The following SUSD5 variants were observed in gnomAD, a reference collection of about 807,000 sequenced individuals.
SUSD5 encodes the protein sushi domain containing 5.
Under a neutral mutation model 29.5 loss-of-function variants are expected in SUSD5, and 33 were observed. That is an observed-to-expected ratio of 1.12 (90% CI 0.85 to 1.49). SUSD5 has a LOEUF of 1.49. Ranked by LOEUF, SUSD5 falls within the 40% of genes most tolerant of loss-of-function variation. The pLI is 0.00. For missense variants in SUSD5, 776 were observed against 800.6 expected (o/e 0.97, Z 0.37); for synonymous variants, 308 against 325.3 (o/e 0.95, Z 0.57).
chr3:33,213,841 T>C, intron 2 of SUSD5, 87 bp downstream of exon 2: 1 of 1,393,438 alleles, frequency 7.2e-7, no homozygotes, highest in Non-Finnish European at 9.8e-7. Flanking sequence ...GCCTGTATGG[T>C]ACCTCAACAG....
chr3:33,161,484 A>T (rs1458834288), intron 4 of SUSD5, among the ~76,000 whole-genome samples: 6 of 151,996 alleles, frequency 3.9e-5, no homozygotes, highest in African/African-American at 1.4e-4. Context: ...CAAATAGGAA[A>T]GAGAGAAAAC....
intron 3 of SUSD5, among the ~76,000 whole-genome samples, chr3:33,181,101 G>C (rs769713007): frequency 6.6e-6 from 1 of 151,648 alleles, no homozygotes; most frequent in Non-Finnish European, 1.5e-5. Flanking sequence ...TTATGAAAAA[G>C]TCAACAAGTT....
At chr3:33,180,970 C>G (rs1351712066) in intron 3 of SUSD5, among the ~76,000 whole-genome samples, 1 of 148,574 alleles carries the variant, frequency 6.7e-6, no homozygotes, top group Non-Finnish European at 1.5e-5. Context: ...CAGGCATGAG[C>G]CAGCACACCC....
At chr3:33,164,668 C>T (rs533684598) in intron 4 of SUSD5, among the ~76,000 whole-genome samples, 1 of 152,170 alleles carries the variant, frequency 6.6e-6, no homozygotes, top group African/African-American at 2.4e-5. Flanking sequence ...AGGACTCCTA[C>T]AAATAAATAT....
intron 1 of SUSD5, among the ~76,000 whole-genome samples, chr3:33,218,174 G>C (rs1318472692): frequency 6.6e-6 from 1 of 152,118 alleles, no homozygotes. Context: ...GACAGCCTTT[G>C]CACGTGCTTT....
intron 4 of SUSD5, chr3:33,168,430 G>A (rs1001228170): frequency 1.2e-6 from 1 of 809,012 alleles, no homozygotes; most frequent in South Asian, 5.6e-5. Flanking sequence ...AGGAAATTAA[G>A]TCTAAAAGAT....
Position 33,153,970 on chromosome 3 carries a change from CTGAA to C in SUSD5, c.658_661del (p.Phe220GlufsTer40). ...TGTCCGGGAATCCTCCATGAGCTCT[CTGAA>C]TGACACAGATCTGTCATCAGGGAAG... On this transcript the variant is annotated frameshift_variant, in exon 5 of 5. Transcript: ENST00000309558. LOFTEE classifies it low-confidence loss of function (END_TRUNC). The C allele has an allele frequency of 4.3e-6, 7 of 1,613,578 alleles. No homozygotes were observed. Among genetic ancestry groups the C allele is most frequent in the Non-Finnish European group, 5.9e-6 (7 of 1,179,782 alleles).
chr3:33,208,732 C>T (rs986267830), intron 2 of SUSD5, among the ~76,000 whole-genome samples: 1 of 152,096 alleles, frequency 6.6e-6, no homozygotes, highest in African/African-American at 2.4e-5. Flanking sequence ...ACTTCTTTGA[C>T]TTATTGAAAT....
chr3:33,215,647 G>T (rs1012063192), intron 1 of SUSD5, among the ~76,000 whole-genome samples: 1 of 152,142 alleles, frequency 6.6e-6, no homozygotes, highest in Non-Finnish European at 1.5e-5. Flanking sequence ...TACAGAACCA[G>T]GCAGTATGGC....
rs535103800 is a variant in SUSD5, at chr3:33,165,665, A to C, written c.598+9221T>G. The stretch of plus-strand genomic sequence containing the variant: ...CAAATCCCATGCAAGAACAAAATTA[A>C]ATCAGGCTTGCCTAAAATTTCACCT... On this transcript the variant is annotated intron_variant, in intron 4 of 4. Coordinates refer to ENST00000309558, the MANE Select transcript of SUSD5 (RefSeq NM_015551.2). 4.6e-5 allele frequency among the ~76,000 whole-genome samples: 7 copies of C among 152,244 alleles called. No homozygotes were observed. In the South Asian group the frequency reaches 1.4e-3, roughly 31 times the overall value.
intron 3 of SUSD5, among the ~76,000 whole-genome samples, chr3:33,191,966 A>C (rs556747785): frequency 6.6e-6 from 1 of 152,188 alleles, no homozygotes; most frequent in Non-Finnish European, 1.5e-5. Context: ...TTATATACCT[A>C]CAAGTGGCAT....
intron 4 of SUSD5, among the ~76,000 whole-genome samples, chr3:33,159,076 CA>C (rs1261272112): frequency 1.3e-5 from 2 of 152,162 alleles, no homozygotes; most frequent in African/African-American, 4.8e-5. Context: ...TGGGAGTAAA[CA>C]AGCTGTTTGT....
At position 33,152,759 on chromosome 3, in the gene SUSD5, C is replaced by T. The variant is rs375870157; in HGVS notation, c.1873G>A (p.Glu625Lys). The change falls in exon 5 of 5, where the codon GAG (glutamate) becomes AAG (lysine). Residue 625 changes from glutamate to lysine, a missense_variant. Glu to Lys is a moderately conservative substitution (Grantham distance 56). Transcript: ENST00000309558. ...AAAGGTGCCTAGACCTTCTCCATCTCGATCTGCTGGTGGTAGTGCCGAGCC... is the reference window on the plus strand; with the variant it reads ...AAAGGTGCCTAGACCTTCTCCATCTTGATCTGCTGGTGGTAGTGCCGAGCC... ...RQARHYHQQI[E>K]MEKV 17 of 1,610,074 alleles carry T rather than the reference C, an allele frequency of 1.1e-5. No individual in the cohort carries two copies. Among genetic ancestry groups the T allele is most frequent in the South Asian group, 9.9e-5 (9 of 90,482 alleles).
At chr3:33,183,590 T>C (rs565443116) in intron 3 of SUSD5, among the ~76,000 whole-genome samples, 35 of 152,318 alleles carry the variant, frequency 2.3e-4, no homozygotes, top group African/African-American at 7.9e-4. Context: ...CAGTTCACTA[T>C]TGAATTGCTG....
chr3:33,212,955 A>G (rs1256340846), intron 2 of SUSD5, among the ~76,000 whole-genome samples: 2 of 152,216 alleles, frequency 1.3e-5, no homozygotes, highest in Non-Finnish European at 2.9e-5. Flanking sequence ...ATACATGCAG[A>G]TGAGTATCCA....
intron 4 of SUSD5, among the ~76,000 whole-genome samples, chr3:33,172,180 AACACACAC>A (rs10576154): frequency 0.23 from 33,648 of 148,392 alleles, 4,004 homozygotes; most frequent in East Asian, 0.33. Context: ...ACTCTTGTAA[AACACACAC>A]ACACACACAC....
At chr3:33,170,649 C>G (rs891774769) in intron 4 of SUSD5, among the ~76,000 whole-genome samples, 1 of 152,224 alleles carries the variant, frequency 6.6e-6, no homozygotes, top group African/African-American at 2.4e-5. Context: ...TAGGAAGCTA[C>G]CAGCTGCGTG....
intron 3 of SUSD5, among the ~76,000 whole-genome samples, chr3:33,200,787 C>A (rs999687289): frequency 6.6e-6 from 1 of 152,090 alleles, no homozygotes; most frequent in Non-Finnish European, 1.5e-5. Flanking sequence ...AAAAGCAATG[C>A]TTGTTATAAA....
chr3:33,193,419 T>C (rs760636351), intron 3 of SUSD5, among the ~76,000 whole-genome samples: 63 of 152,106 alleles, frequency 4.1e-4, no homozygotes, highest in Non-Finnish European at 8.4e-4. Context: ...GGGAAGTTTT[T>C]ACAGAACATT....
Sources: gnomAD v4.1 joint callset for allele counts (sites outside exome capture counted in the v4.1 genomes callset) on GRCh38, gnomAD v4.1.1 for gene constraint, MANE v1.5 for transcripts, NCBI Gene and HGNC (gene_info 2026-07-23, HGNC 2026-07-21) for gene names.